ABHD17C: variants seen among roughly 807,000 people sequenced by gnomAD.
ABHD17C encodes the protein alpha/beta hydrolase domain-containing protein 17C.
Under a neutral mutation model 27.9 loss-of-function variants are expected in ABHD17C, and 11 were observed. The ratio of observed to expected loss-of-function variants is 0.39; its 90% CI spans 0.25 to 0.65. ABHD17C has a LOEUF of 0.65. Ranked by LOEUF, ABHD17C falls within the 30% of genes least tolerant of loss-of-function variation. ABHD17C has a pLI of 0.45. For missense variants in ABHD17C, 280 were observed against 470.2 expected, an observed-to-expected ratio of 0.60 and a Z score of 3.74; for synonymous variants, 233 against 209.1, an observed-to-expected ratio of 1.11 and a Z score of -0.98.
At chr15:80,720,966 G>A (rs1328095588) in intron 1 of ABHD17C, among the ~76,000 whole-genome samples, 2 of 151,822 alleles carry the variant, frequency 1.3e-5, no homozygotes, top group Non-Finnish European at 2.9e-5. Context: ...CTTAATGGGG[G>A]CCCTTACCGA....
At chr15:80,724,697 G>A (rs1417622207) in intron 1 of ABHD17C, among the ~76,000 whole-genome samples, 1 of 152,196 alleles carries the variant, frequency 6.6e-6, no homozygotes, top group African/African-American at 2.4e-5. Context: ...AGCTCTGTGG[G>A]TCTGGGAGGG....
intron 1 of ABHD17C, among the ~76,000 whole-genome samples, chr15:80,712,396 C>G (rs1056698985): frequency 6.6e-6 from 1 of 152,228 alleles, no homozygotes; most frequent in Non-Finnish European, 1.5e-5. Context: ...TGAGGTTCCT[C>G]TCTAGGCATG....
intron 1 of ABHD17C, among the ~76,000 whole-genome samples, chr15:80,705,367 G>GTGTGTGTGTGTGTGTGTGT (rs57722326): frequency 5.7e-4 from 85 of 150,224 alleles, no homozygotes; most frequent in Middle Eastern, 3.4e-3. Flanking sequence ...GTGTGTGTGT[G>GTGTGTGTGTGTGTGTGTGT]GTTAGGAGCA....
At chr15:80,753,790 A>G (rs1034210914) in intron 2 of ABHD17C, among the ~76,000 whole-genome samples, 11 of 152,230 alleles carry the variant, frequency 7.2e-5, no homozygotes, top group African/African-American at 2.7e-4. Context: ...TAAGAAAAAA[A>G]ACTAAATTAC....
At chr15:80,751,692 G>A (rs1394559759) in intron 2 of ABHD17C, among the ~76,000 whole-genome samples, 1 of 152,144 alleles carries the variant, frequency 6.6e-6, no homozygotes, top group Non-Finnish European at 1.5e-5. Flanking sequence ...TCTTTGAGGT[G>A]GCAGTGAGCT....
chr15:80,704,819 T>C (rs1456982797), intron 1 of ABHD17C: 1 of 152,220 alleles, frequency 6.6e-6, no homozygotes, highest in African/African-American at 2.4e-5. Context: ...CCTTGAAGAA[T>C]AGACTACAAT....
At chr15:80,729,412 A>G (rs555666060) in intron 1 of ABHD17C, among the ~76,000 whole-genome samples, 1 of 152,314 alleles carries the variant, frequency 6.6e-6, no homozygotes, top group South Asian at 2.1e-4. Flanking sequence ...ACATTTTTCA[A>G]TCTGAGGAAT....
At chr15:80,739,545 T>C (rs12441947) in intron 1 of ABHD17C, among the ~76,000 whole-genome samples, 37,094 of 151,948 alleles carry the variant, frequency 0.24, 4,740 homozygotes, top group South Asian at 0.3. Context: ...TGAGTTCTCT[T>C]TCTGTTATAT....
chr15:80,749,169 A>T (rs1467538998), intron 1 of ABHD17C, among the ~76,000 whole-genome samples: 1 of 152,216 alleles, frequency 6.6e-6, no homozygotes, highest in Non-Finnish European at 1.5e-5. Flanking sequence ...ATTAGCAAAG[A>T]AAATATAAAG....
intron 1 of ABHD17C, among the ~76,000 whole-genome samples, chr15:80,736,528 TA>T (rs1895132620): frequency 6.6e-6 from 1 of 152,216 alleles, no homozygotes; most frequent in Non-Finnish European, 1.5e-5. Context: ...CTCTAAAGTT[TA>T]ATTTTTATTT....
At chr15:80,711,170 G>A (rs1894723504) in intron 1 of ABHD17C, among the ~76,000 whole-genome samples, 1 of 152,138 alleles carries the variant, frequency 6.6e-6, no homozygotes, top group Admixed American at 6.5e-5. Context: ...CACCCTGTAG[G>A]CGCTCTGCTC....
intron 1 of ABHD17C, among the ~76,000 whole-genome samples, chr15:80,737,294 G>A (rs1895144407): frequency 6.6e-6 from 1 of 152,138 alleles, no homozygotes; most frequent in South Asian, 2.1e-4. Context: ...AAATGTTAAT[G>A]CTTGCATGCT....
At chr15:80,713,056 C>T (rs1894748381) in intron 1 of ABHD17C, among the ~76,000 whole-genome samples, 2 of 152,224 alleles carry the variant, frequency 1.3e-5, no homozygotes, top group East Asian at 3.9e-4. Flanking sequence ...CACACTCCAC[C>T]CCCAGCCTCT....
At chr15:80,733,364 G>A (rs141489373) in intron 1 of ABHD17C, among the ~76,000 whole-genome samples, 45 of 152,260 alleles carry the variant, frequency 3.0e-4, no homozygotes, top group African/African-American at 1.1e-3. Context: ...TCTTCCTTGT[G>A]TAATTCTCAA....
At chr15:80,733,701 G>T (rs1282032859) in intron 1 of ABHD17C, among the ~76,000 whole-genome samples, 1 of 152,196 alleles carries the variant, frequency 6.6e-6, no homozygotes, top group Non-Finnish European at 1.5e-5. Flanking sequence ...TTGCAAGTCA[G>T]TGTCAAGCAG....
chr15:80,733,901 A>C (rs972031769), intron 1 of ABHD17C, among the ~76,000 whole-genome samples: 3 of 152,106 alleles, frequency 2.0e-5, no homozygotes, highest in African/African-American at 7.2e-5. Context: ...AGAATTCATG[A>C]AATCTGTACC....
intron 1 of ABHD17C, among the ~76,000 whole-genome samples, chr15:80,746,752 TG>T (rs1279604903): frequency 6.6e-6 from 1 of 152,250 alleles, no homozygotes; most frequent in Non-Finnish European, 1.5e-5. Context: ...CCTTGTCTCC[TG>T]GGCTGTGCCT....
chr15:80,715,873 A>G (rs1894797689), intron 1 of ABHD17C, among the ~76,000 whole-genome samples: 1 of 152,222 alleles, frequency 6.6e-6, no homozygotes, highest in Non-Finnish European at 1.5e-5. Flanking sequence ...TAAATAAAGC[A>G]GTGTGTCCAA....
intron 1 of ABHD17C, among the ~76,000 whole-genome samples, chr15:80,714,127 T>A (rs1034389352): frequency 6.6e-6 from 1 of 152,078 alleles, no homozygotes; most frequent in African/African-American, 2.4e-5. Flanking sequence ...CTAATTTTTG[T>A]ATTTTTTTGT....
Sources: allele counts gnomAD v4.1 joint callset (sites outside exome capture counted in the v4.1 genomes callset), GRCh38; gene constraint gnomAD v4.1.1; transcripts MANE v1.5; gene names NCBI Gene and HGNC (gene_info 2026-07-23, HGNC 2026-07-21).